Variants in PTPN3 observed in about 807,000 individuals in gnomAD.
The protein encoded by PTPN3 is protein tyrosine phosphatase non-receptor type 3.
PTPN3 carries 96 observed loss-of-function variants against 132.7 expected under a neutral mutation model. That is an observed-to-expected ratio of 0.72 (90% CI 0.61 to 0.86). The LOEUF is 0.86. PTPN3 is among the 40% of genes least tolerant of loss of function. PTPN3 has a pLI of 0.00. For synonymous variants in PTPN3, 398 were observed against 429.0 expected (o/e 0.93, Z 0.89); for missense variants, 1,125 against 1,159.6 (o/e 0.97, Z 0.43).
At chr9:109,517,289 C>CTG in the PTPN3 span, among the ~76,000 whole-genome samples, 1 of 152,272 alleles carries the variant, frequency 6.6e-6, no homozygotes, top group East Asian at 1.9e-4. Flanking sequence ...AATACATGCT[C>CTG]AGTTACATTG....
chr9:109,379,883 G>A (rs1588275705), intron 25 of PTPN3, among the ~76,000 whole-genome samples: 2 of 152,328 alleles, frequency 1.3e-5, no homozygotes, highest in East Asian at 3.9e-4. Context: ...GAGGTGGGAA[G>A]GAGCAAAAGT....
the PTPN3 span, among the ~76,000 whole-genome samples, chr9:109,532,584 T>A: frequency 0.51 from 74,721 of 147,632 alleles, 19,205 homozygotes; most frequent in East Asian, 0.82. Context: ...AAACAGGCTT[T>A]AAAAAAAAAA....
chr9:109,510,576 A>AAAAAAAAAAAATATATAT, the PTPN3 span, among the ~76,000 whole-genome samples: 1 of 47,330 alleles, frequency 2.1e-5, no homozygotes, highest in African/African-American at 7.5e-5. Context: ...AAAAAAAAAA[A>AAAAAAAAAAAATATATAT]ATATATATAT....
chr9:109,449,477 A>C, intron 5 of PTPN3: 1 of 985,540 alleles, frequency 1.0e-6, no homozygotes, highest in Non-Finnish European at 1.2e-6. Context: ...CTGGGCAACC[A>C]GCAAATGTAA....
intron 15 of PTPN3, 74 bp downstream of exon 15, chr9:109,410,155 G>C: frequency 3.7e-6 from 6 of 1,612,628 alleles, no homozygotes; most frequent in Non-Finnish European, 5.1e-6. Context: ...CATTTAGTTA[G>C]AGCTACTCAG....
the PTPN3 span, among the ~76,000 whole-genome samples, chr9:109,503,712 C>CAAAA: frequency 8.1e-6 from 1 of 122,862 alleles, no homozygotes. Flanking sequence ...GACTCCATCT[C>CAAAA]AAAAAAAAAA....
chr9:109,458,685 G>A (rs371951238), intron 2 of PTPN3, among the ~76,000 whole-genome samples: 4 of 152,082 alleles, frequency 2.6e-5, no homozygotes, highest in East Asian at 1.9e-4. Context: ...GCCCAACAGC[G>A]CTTGTACCTC....
At chr9:109,430,612 A>G (rs1434417492) in intron 10 of PTPN3, among the ~76,000 whole-genome samples, 1 of 152,232 alleles carries the variant, frequency 6.6e-6, no homozygotes, top group East Asian at 1.9e-4. Flanking sequence ...CAGAGGGAAG[A>G]GGACATGGAG....
At chr9:109,408,247 TCAGAAA>T in intron 17 of PTPN3, 68 bp downstream of exon 17, 1 of 1,250,088 alleles carries the variant, frequency 8.0e-7, no homozygotes, top group East Asian at 2.5e-5. Flanking sequence ...GAAACAGGAC[TCAGAAA>T]CAGAAACCTG....
chr9:109,522,680 C>T, the PTPN3 span, among the ~76,000 whole-genome samples: 1 of 152,084 alleles, frequency 6.6e-6, no homozygotes, highest in African/African-American at 2.4e-5. Context: ...TGATTTATCT[C>T]CTCAGACCAA....
At position 109,435,375 on chromosome 9, in the gene PTPN3, T is replaced by C. The variant is rs528999797; in HGVS notation, c.675+1508A>G. ...CTTTTGGGCTGAAGCATTTAAGAGC[T>C]GGTGTGTAACCCTGCAGCTTCCTGT... On this transcript the variant is annotated intron_variant, in intron 9 of 25. Coordinates refer to ENST00000374541, the MANE Select transcript of PTPN3 (RefSeq NM_002829.4). Among the ~76,000 whole-genome samples, 14 of 152,306 alleles carry C rather than the reference T, an allele frequency of 9.2e-5. No individual in the cohort carries two copies. In the East Asian group the frequency reaches 2.7e-3, roughly 29 times the overall value.
chr9:109,476,028 C>T (rs966875092), intron 1 of PTPN3, among the ~76,000 whole-genome samples: 3 of 152,228 alleles, frequency 2.0e-5, no homozygotes, highest in African/African-American at 7.2e-5. Flanking sequence ...AAGTCACTAA[C>T]TCACTTTTCT....
intron 23 of PTPN3, 200 bp downstream of exon 23, chr9:109,383,223 C>T: frequency 2.6e-6 from 2 of 781,472 alleles, no homozygotes; most frequent in East Asian, 5.2e-5. Flanking sequence ...GGACACTGGG[C>T]TGTTTGCACC....
chr9:109,501,417 C>T (rs554475541), upstream of PTPN3, among the ~76,000 whole-genome samples: 1 of 152,248 alleles, frequency 6.6e-6, no homozygotes, highest in South Asian at 2.1e-4. Flanking sequence ...AGCTATATGT[C>T]ATCTAATTTT....
chr9:109,533,483 C>T, the PTPN3 span: 1 of 1,588,100 alleles, frequency 6.3e-7, no homozygotes, highest in Non-Finnish European at 8.6e-7. Flanking sequence ...CGGTAAGTTG[C>T]GGCGGTACCG....
chr9:109,481,159 G>A (rs546036443), intron 1 of PTPN3, among the ~76,000 whole-genome samples: 3 of 152,288 alleles, frequency 2.0e-5, no homozygotes, highest in African/African-American at 7.2e-5. Context: ...ACAGAGGAAA[G>A]CCCAATGTAC....
chr9:109,457,233 A>T lies in PTPN3; in HGVS notation c.247-18T>A, dbSNP rs774497523. On this transcript the variant is annotated intron_variant, in intron 3 of 25. Transcript: ENST00000374541. ...AGCCATCTCTGTTGGACAAGAAAAC[A>T]TAAAATATAAAAGCAAACCGTGAAG... The T allele has an allele frequency of 6.2e-7, 1 of 1,613,714 alleles. No individual in the cohort carries two copies. Among genetic ancestry groups the T allele is most frequent in the East Asian group, 2.2e-5 (1 of 44,888 alleles).
chr9:109,384,240 G>A (rs1839370098), intron 22 of PTPN3, among the ~76,000 whole-genome samples: 1 of 152,162 alleles, frequency 6.6e-6, no homozygotes, highest in South Asian at 2.1e-4. Flanking sequence ...ACCAGCTTGA[G>A]TAACAGTGAT....
chr9:109,437,821 G>A (rs1844168353), intron 8 of PTPN3, among the ~76,000 whole-genome samples: 1 of 152,130 alleles, frequency 6.6e-6, no homozygotes. Flanking sequence ...CCATTGGTGG[G>A]GCAATCAGAT....
Sources: gnomAD v4.1 joint callset for allele counts (sites outside exome capture counted in the v4.1 genomes callset) on GRCh38, gnomAD v4.1.1 for gene constraint, MANE v1.5 for transcripts, NCBI Gene and HGNC (gene_info 2026-07-23, HGNC 2026-07-21) for gene names.